Variants in EEF1A2 observed in about 807,000 individuals in gnomAD.
The protein encoded by EEF1A2 is elongation factor 1-alpha 2.
A neutral mutation model predicts 39.3 loss-of-function variants in EEF1A2; 5 were observed. The ratio of observed to expected loss-of-function variants is 0.13; its 90% CI spans 0.07 to 0.27. The LOEUF (loss-of-function observed/expected upper bound fraction) is 0.27, where lower values mean the gene tolerates loss of function less well. EEF1A2 is among the 10% of genes least tolerant of loss of function. The pLI, the probability that EEF1A2 is intolerant of heterozygous loss-of-function variation, is 1.00. For missense variants in EEF1A2, 218 were observed against 681.4 expected, an observed-to-expected ratio of 0.32 and a Z score of 7.57; for synonymous variants, 287 against 293.7, an observed-to-expected ratio of 0.98 and a Z score of 0.23.
Position 63,493,236 on chromosome 20 carries a change from C to T in EEF1A2, c.673G>A (p.Gly225Ser), listed in dbSNP as rs2145943632. ...KVERKEGNAS[G>S]VSLLEALDTI... is the part of the protein sequence containing the mutation. ...TCCAGGGCCTCCAGCAGGGACACGC[C>T]GCTTGCGTTGCCCTCCTTACGCTCC... The change falls in exon 5 of 8, where the codon GGC (glycine) becomes AGC (serine). Residue 225 changes from glycine (G) to serine (S), a missense_variant. This residue lies in a region of EEF1A2 where 79 missense variants were observed against 172.3 expected (regional missense o/e 0.46). Coordinates refer to ENST00000217182, the MANE Select transcript of EEF1A2 (RefSeq NM_001958.5). 4 of 1,546,692 alleles carry T rather than the reference C, an allele frequency of 2.6e-6. No individual in the cohort carries two copies. Among genetic ancestry groups the T allele is most frequent in the Non-Finnish European group, 3.5e-6 (4 of 1,144,466 alleles).
chr20:63,490,431 C>T (rs754214863), intron 6 of EEF1A2, 48 bp downstream of exon 6: 5 of 1,578,788 alleles, frequency 3.2e-6, no homozygotes, highest in Admixed American at 1.7e-5. Flanking sequence ...GACAGTCCTG[C>T]TGCTGTCCAG....
At chr20:63,496,971 G>A (rs2082420775) in intron 2 of EEF1A2, 1 of 152,472 alleles carries the variant, frequency 6.6e-6, no homozygotes, top group African/African-American at 2.4e-5. Context: ...AGCTCCCACA[G>A]GCCCTCCCAG....
At position 63,491,766 on chromosome 20, in the gene EEF1A2, G is replaced by GTGGA. The variant is rs534300652; in HGVS notation, c.773-1035_773-1032dup. The stretch of plus-strand genomic sequence containing the variant: ...AGTAGGGAGATGGATGGATGGATTG[G>GTGGA]TGGATGGATGGATGGATGGATGGAT... On this transcript the variant is annotated intron_variant, in intron 5 of 7. Transcript: ENST00000217182. Among the ~76,000 whole-genome samples the GTGGA allele has an allele frequency of 1.1e-3, 161 of 147,368 alleles. 1 individual carries two copies. The East Asian group carries it at 0.013, about 12-fold the overall frequency.
intron 2 of EEF1A2, chr20:63,496,526 A>T (rs1466911393): frequency 1.3e-5 from 2 of 154,798 alleles, no homozygotes; most frequent in South Asian, 3.9e-4. Flanking sequence ...CTGGCCACGC[A>T]GCTCCTTCCC....
chr20:63,491,991 T>A (rs1342181276), intron 5 of EEF1A2, among the ~76,000 whole-genome samples: 4 of 117,734 alleles, frequency 3.4e-5, no homozygotes, highest in African/African-American at 4.0e-5. Flanking sequence ...GATGGATGGA[T>A]GGATGGATGG....
rs1741618 is a variant in EEF1A2 at position 63,497,227 on chromosome 20, T to C, written c.144+393A>G. The C allele has an allele frequency of 0.37, 61,872 of 166,704 alleles. 13,156 individuals are homozygous for C. Among genetic ancestry groups the C allele is most frequent in the African/African-American group, 0.58 (24,318 of 41,848 alleles). 10.3% of individuals were successfully genotyped at this position (166,704 alleles called of 1,614,324 possible). The stretch of plus-strand genomic sequence containing the variant: ...TCAATCAGCTATTAATAGTAGCGTG[T>C]GCCCTGGCAGGGCCCTAGGACAAGT... On this transcript the variant is annotated intron_variant, in intron 2 of 7. Transcript: ENST00000217182. The surrounding 1 kb of genome is among the most constrained non-coding windows in gnomAD (Gnocchi z 7.3).
intron 2 of EEF1A2, chr20:63,496,610 G>T (rs935646498): frequency 6.5e-6 from 1 of 154,850 alleles, no homozygotes; most frequent in Admixed American, 6.4e-5. Flanking sequence ...GAAGCTGGGG[G>T]GCCTCGGCCA....
intron 5 of EEF1A2, among the ~76,000 whole-genome samples, chr20:63,492,718 G>GTGGATGGA (rs1183691912): frequency 6.5e-5 from 4 of 61,846 alleles, no homozygotes; most frequent in Non-Finnish European, 1.0e-4. Flanking sequence ...GGATGGAGAG[G>GTGGATGGA]TGGATGGATG....
At position 63,490,686 on chromosome 20, in the gene EEF1A2, C is replaced by T. The variant is rs764111254; in HGVS notation, c.822G>A (p.Pro274=). ...CTGGCGCAAAGGTCACCACCATGCCCGGCCGCAGGATGCCGGTCTCCACCC... is the reference window on the plus strand; with the variant it reads ...CTGGCGCAAAGGTCACCACCATGCCTGGCCGCAGGATGCCGGTCTCCACCC... The part of the protein sequence containing the change: ...VGRVETGILR[P]GMVVTFAPVN... The change falls in exon 6 of 8, where the codon CCG becomes CCA. Residue 274 remains proline, a synonymous_variant. Coordinates refer to ENST00000217182, the MANE Select transcript of EEF1A2 (RefSeq NM_001958.5). 1.4e-5 allele frequency: 22 copies of T among 1,609,380 alleles called. No homozygotes were observed. Among genetic ancestry groups the T allele is most frequent in the Admixed American group, 1.2e-4 (7 of 60,000 alleles).
chr20:63,496,125 C>A, intron 2 of EEF1A2, 90 bp from the exon 3 acceptor site: 1 of 1,485,562 alleles, frequency 6.7e-7, no homozygotes, highest in Non-Finnish European at 9.2e-7. Flanking sequence ...AGAGTGGCCG[C>A]GAGAGGCGGG....
chr20:63,489,217 C>T, intron 6 of EEF1A2, 65 bp from the exon 7 acceptor site: 4 of 1,527,778 alleles, frequency 2.6e-6, no homozygotes, highest in Non-Finnish European at 2.7e-6. Context: ...GGCGCCAGAG[C>T]GGGGCTGGGA....
intron 7 of EEF1A2, 23 bp downstream of exon 7, chr20:63,488,895 C>G (rs1302766074): frequency 6.2e-7 from 1 of 1,605,900 alleles, no homozygotes; most frequent in African/African-American, 1.3e-5. Flanking sequence ...GGGGCTGCAC[C>G]TCCCCGGACC....
At chr20:63,492,542 A>ATGGG (rs2082392747) in intron 5 of EEF1A2, among the ~76,000 whole-genome samples, 1 of 148,420 alleles carries the variant, frequency 6.7e-6, no homozygotes, top group African/African-American at 2.5e-5. Context: ...GGAAGGATGG[A>ATGGG]TGGATGGATA....
Position 63,493,321 on chromosome 20 carries a change from G to A in EEF1A2, c.622-34C>T, listed in dbSNP as rs76476893. 48,108 of 1,474,564 alleles carry A rather than the reference G, an allele frequency of 0.033. 880 individuals are homozygous for A. The highest frequency in any genetic ancestry group is 0.037 in the Non-Finnish European group (40,634 of 1,103,574). The allele number at this position is 1,474,564 out of a possible 1,614,324, so 91.3% of individuals were successfully genotyped here. ...AAGGGAGAAAATCAATCCGTTAAGAGACATTGGTGGCCTCCCCACCCTCAG... is the reference window on the plus strand; with the variant it reads ...AAGGGAGAAAATCAATCCGTTAAGAAACATTGGTGGCCTCCCCACCCTCAG... On this transcript the variant is annotated intron_variant, in intron 4 of 7. Coordinates refer to ENST00000217182, the MANE Select transcript of EEF1A2 (RefSeq NM_001958.5).
At position 63,496,000 on chromosome 20, in the gene EEF1A2, C is replaced by A. The variant is rs760484799; in HGVS notation, c.180G>T (p.Leu60=). 1.2e-6 allele frequency: 2 copies of A among 1,612,934 alleles called. No individual in the cohort carries two copies. Among genetic ancestry groups the A allele is most frequent in the Admixed American group, 3.3e-5 (2 of 60,014 alleles). ...GCTCACGCTCCGCCTTCAGCTTGTC[C>A]AGCACCCAGGCATACTTGAAGGATC... ...GKGSFKYAWV[L]DKLKAERERG... Residue 60 remains leucine, a synonymous_variant, in exon 3 of 8, where the codon CTG becomes CTT. Coordinates refer to ENST00000217182, the MANE Select transcript of EEF1A2 (RefSeq NM_001958.5).
rs1448624891 is a variant in EEF1A2 at position 63,488,295 on chromosome 20, G to C, written c.*3C>G. 7.6e-7 allele frequency: 1 copy of C among 1,313,924 alleles called. No individual in the cohort carries two copies. The highest frequency in any genetic ancestry group is 9.8e-7 in the Non-Finnish European group (1 of 1,017,350). The allele number at this position is 1,313,924 out of a possible 1,614,324, so 81.4% of individuals were successfully genotyped here. On this transcript the variant is annotated 3_prime_UTR_variant, in exon 8 of 8. Coordinates refer to ENST00000217182, the MANE Select transcript of EEF1A2 (RefSeq NM_001958.5). ...GGAGGGTCGCGCCGCGGGCGCCCGC[G>C]CTTCACTTGCCCGCCTTCTGCGCCT...
intron 2 of EEF1A2, 85 bp from the exon 3 acceptor site, chr20:63,496,120 G>A (rs919594929): frequency 2.0e-6 from 3 of 1,491,374 alleles, no homozygotes; most frequent in East Asian, 2.3e-5. Context: ...ACAGCAGAGT[G>A]GCCGCGAGAG....
At chr20:63,489,242 C>G in intron 6 of EEF1A2, 90 bp from the exon 7 acceptor site, 3 of 1,309,186 alleles carry the variant, frequency 2.3e-6, no homozygotes, top group Non-Finnish European at 3.1e-6. Context: ...CAGTCACCGG[C>G]GCCCCTGCAC....
At chr20:63,496,350 G>A (rs1267029004) in intron 2 of EEF1A2, 1 of 365,442 alleles carries the variant, frequency 2.7e-6, no homozygotes, top group Non-Finnish European at 5.1e-6. Context: ...CCCCTCCCGG[G>A]CGAGGGCTCC....
Sources: gnomAD v4.1 joint callset for allele counts (sites outside exome capture counted in the v4.1 genomes callset) on GRCh38, gnomAD v4.1.1 for gene constraint, gnomAD v4.1.1 regional missense constraint, Gnocchi (gnomAD v3.1) non-coding constraint, MANE v1.5 for transcripts, NCBI Gene and HGNC (gene_info 2026-07-23, HGNC 2026-07-21) for gene names.